Variants in VSIG1 observed in about 807,000 individuals in gnomAD.
VSIG1 encodes the protein V-set and immunoglobulin domain-containing protein 1.
In VSIG1, 11 loss-of-function variants were observed where a neutral mutation model predicts 20.1. The observed-to-expected ratio is 0.55, with a 90% CI of 0.34 to 0.91. VSIG1 has a LOEUF of 0.91. VSIG1 is among the 40% of genes least tolerant of loss of function. The probability of loss-of-function intolerance (pLI) is 0.02; values close to 1 mark genes in which losing one functional copy is unlikely to be tolerated. For synonymous variants in VSIG1, 126 were observed against 116.7 expected (o/e 1.08, Z -0.52); for missense variants, 283 against 298.8 (o/e 0.95, Z 0.39).
rs182977083 is a variant in VSIG1 at position 108,053,635 on chromosome X, T to C, written c.50-4403T>C. ...ATAGCAAACAAGAATAATATATCAA[T>C]AATTACATTAAATAATTATATTGAA... is the stretch of plus-strand genomic sequence containing the variant. On this transcript the variant is annotated intron_variant, in intron 1 of 6. Coordinates refer to ENST00000217957, the MANE Select transcript of VSIG1 (RefSeq NM_182607.5). Among the ~76,000 whole-genome samples, 546 of 111,757 alleles carry C rather than the reference T, an allele frequency of 4.9e-3. 5 individuals carry two copies. The highest frequency in any genetic ancestry group is 0.017 in the African/African-American group (512 of 30,848).
the VSIG1 span, among the ~76,000 whole-genome samples, chrX:108,039,181 C>T: frequency 1.6e-4 from 18 of 110,718 alleles, no homozygotes; most frequent in Non-Finnish European, 2.6e-4. Flanking sequence ...TTTGTTTGTT[C>T]GTTTGTTATT....
chrX:108,027,411 A>G, the VSIG1 span, among the ~76,000 whole-genome samples: 2 of 112,259 alleles, frequency 1.8e-5, no homozygotes, highest in Non-Finnish European at 3.8e-5. Flanking sequence ...GCCAGATACA[A>G]AAGGCCACAT....
chrX:108,019,566 C>T, the VSIG1 span, among the ~76,000 whole-genome samples: 1 of 111,771 alleles, frequency 8.9e-6, no homozygotes, highest in Non-Finnish European at 1.9e-5. Context: ...GTACCTTGGC[C>T]CACAGTGTCT....
chrX:108,047,887 C>CACACACATATATAT (rs1569287201), intron 1 of VSIG1, among the ~76,000 whole-genome samples: 290 of 24,449 alleles, frequency 0.012, 11 homozygotes, highest in Non-Finnish European at 0.017. Context: ...TATATATATA[C>CACACACATATATAT]ACACATATAT....
chrX:108,035,322 A>G, the VSIG1 span, among the ~76,000 whole-genome samples: 10 of 110,621 alleles, frequency 9.0e-5, no homozygotes, highest in African/African-American at 3.3e-4. Flanking sequence ...GCTGGTCTCA[A>G]CTTCTGATCT....
the VSIG1 span, among the ~76,000 whole-genome samples, chrX:108,021,801 T>C: frequency 8.9e-6 from 1 of 112,386 alleles, no homozygotes; most frequent in African/African-American, 3.2e-5. Context: ...GCAATATTTG[T>C]TGAAATGACT....
intron 5 of VSIG1, among the ~76,000 whole-genome samples, chrX:108,074,925 G>T (rs2031321573): frequency 8.9e-6 from 1 of 111,868 alleles, no homozygotes; most frequent in African/African-American, 3.3e-5. Context: ...ATTGAAAGAA[G>T]TTTAATGGTT....
the VSIG1 span, among the ~76,000 whole-genome samples, chrX:108,024,888 T>C: frequency 2.7e-5 from 3 of 111,643 alleles, no homozygotes; most frequent in Non-Finnish European, 3.8e-5. Context: ...TCTTGGAGAA[T>C]GTTTTATGTG....
the VSIG1 span, among the ~76,000 whole-genome samples, chrX:108,020,043 C>A: frequency 8.9e-6 from 1 of 111,853 alleles, no homozygotes; most frequent in East Asian, 2.8e-4. Flanking sequence ...TGTTGAATTT[C>A]AGTATTCTCT....
chrX:108,045,270 C>T, intron 1 of VSIG1, 91 bp downstream of exon 1: 1 of 725,459 alleles, frequency 1.4e-6, no homozygotes. Context: ...GAATTTTCAT[C>T]TCCTGTACTT....
At chrX:108,057,712 A>C (rs1312976719) in intron 1 of VSIG1, among the ~76,000 whole-genome samples, 1 of 112,085 alleles carries the variant, frequency 8.9e-6, no homozygotes, top group Non-Finnish European at 1.9e-5. Context: ...GTTGTTCTCT[A>C]TACTACCAGA....
chrX:108,053,235 A>G lies in VSIG1; in HGVS notation c.50-4803A>G, dbSNP rs978213485. Among the ~76,000 whole-genome samples the G allele has an allele frequency of 2.7e-5, 3 of 112,600 alleles. No homozygotes were observed. In the Admixed American group the frequency reaches 2.8e-4, roughly 11 times the overall value. On this transcript the variant is annotated intron_variant, in intron 1 of 6. Transcript: ENST00000217957. ...ACAGAAAGAGCAGAAATGTAAGTAC[A>G]TAAAGTAGACTATCTTTTAACTCAT...
intron 4 of VSIG1, 118 bp downstream of exon 4, chrX:108,072,950 G>A: frequency 1.3e-6 from 1 of 783,777 alleles, no homozygotes; most frequent in Non-Finnish European, 1.8e-6. Flanking sequence ...CTCAGTGGTG[G>A]CGGGTGGAGG....
At chrX:108,068,089 A>C (rs1170490804) in intron 3 of VSIG1, among the ~76,000 whole-genome samples, 1 of 112,002 alleles carries the variant, frequency 8.9e-6, no homozygotes, top group African/African-American at 3.2e-5. Flanking sequence ...AATTGGTAAC[A>C]AGGTGCATAC....
intron 2 of VSIG1, among the ~76,000 whole-genome samples, chrX:108,065,118 C>T (rs757431568): frequency 8.9e-6 from 1 of 112,252 alleles, no homozygotes; most frequent in African/African-American, 3.2e-5. Flanking sequence ...TGTAAATGTA[C>T]TCTTTTCCTG....
In VSIG1 at chrX:108,047,967, T is replaced by C. The variant is rs868018953; in HGVS notation, c.49+2788T>C. Among the ~76,000 whole-genome samples the C allele has an allele frequency of 3.1e-3, 85 of 27,095 alleles. 6 individuals are homozygous for C. The highest frequency in any genetic ancestry group is 5.6e-3 in the African/African-American group (31 of 5,564). The allele number at this position is 27,095 out of a possible 115,157, so 23.5% of individuals were successfully genotyped here. A position where few individuals can be genotyped will look rare whatever the true frequency, so the allele number is the denominator to read the frequency against. ...ATATATATATATACACACACATATA[T>C]ATATATATATATATATATATATATA... On this transcript the variant is annotated intron_variant, in intron 1 of 6. Transcript: ENST00000217957.
At chrX:108,073,571 T>C (rs2031295179) in intron 5 of VSIG1, 1 of 405,237 alleles carries the variant, frequency 2.5e-6, no homozygotes, top group Non-Finnish European at 3.9e-6. Context: ...CTGCCCTAAA[T>C]CCTTTACAAA....
intron 2 of VSIG1, among the ~76,000 whole-genome samples, chrX:108,058,949 TGC>T (rs1411866217): frequency 2.2e-4 from 25 of 111,425 alleles, no homozygotes; most frequent in Admixed American, 1.3e-3. Context: ...TGTGTGTGTG[TGC>T]GCATGCATAT....
chrX:108,042,073 G>A (rs1042908947), upstream of VSIG1, among the ~76,000 whole-genome samples: 14 of 111,790 alleles, frequency 1.3e-4, no homozygotes, highest in South Asian at 7.4e-4. Flanking sequence ...TTAATATTTC[G>A]TGTCCTAGTT....
Sources: gnomAD v4.1 joint callset for allele counts (sites outside exome capture counted in the v4.1 genomes callset) on GRCh38, gnomAD v4.1.1 for gene constraint, MANE v1.5 for transcripts, NCBI Gene and HGNC (gene_info 2026-07-23, HGNC 2026-07-21) for gene names.